DRP2: variants seen among roughly 807,000 people sequenced by gnomAD.
DRP2 encodes dystrophin-related protein 2.
Under a neutral mutation model 78.2 loss-of-function variants are expected in DRP2, and 29 were observed. That is an observed-to-expected ratio of 0.37 (90% CI 0.28 to 0.51). The LOEUF is 0.51. DRP2 is among the 20% of genes least tolerant of loss of function. The pLI is 0.94. For missense variants in DRP2, 686 were observed against 770.6 expected, an observed-to-expected ratio of 0.89 and a Z score of 1.30; for synonymous variants, 290 against 281.9, an observed-to-expected ratio of 1.03 and a Z score of -0.29.
intron 15 of DRP2, 40 bp from the exon 16 acceptor site, chrX:101,250,877 T>C (rs1345836752): frequency 1.7e-6 from 2 of 1,196,944 alleles, no homozygotes; most frequent in South Asian, 3.7e-5. Flanking sequence ...TAAGACACTT[T>C]GGGCCTCAGT....
intron 1 of DRP2, among the ~76,000 whole-genome samples, chrX:101,223,467 G>A (rs1033280271): frequency 4.5e-5 from 5 of 111,712 alleles, no homozygotes; most frequent in Non-Finnish European, 9.4e-5. Context: ...CTAGTTTTGA[G>A]CAATCACAGA....
At chrX:101,255,748 G>T (rs931512619) in intron 20 of DRP2, among the ~76,000 whole-genome samples, 6 of 109,962 alleles carry the variant, frequency 5.5e-5, no homozygotes, top group Non-Finnish European at 1.1e-4. Flanking sequence ...GGAGCTTCTG[G>T]CTACATGGAT....
At chrX:101,245,112 A>C (rs748173294) in intron 10 of DRP2, 35 bp downstream of exon 10, 10 of 1,150,718 alleles carry the variant, frequency 8.7e-6, no homozygotes, top group Non-Finnish European at 1.2e-5. Flanking sequence ...CGGGTCAGTC[A>C]CCTGCCCACC....
At chrX:101,259,813 A>T (rs1923479962) in intron 22 of DRP2, among the ~76,000 whole-genome samples, 1 of 112,586 alleles carries the variant, frequency 8.9e-6, no homozygotes, top group South Asian at 3.7e-4. Flanking sequence ...TGCCATTCTT[A>T]TAAGAACTGG....
intron 18 of DRP2, 148 bp downstream of exon 18, chrX:101,254,709 C>T (rs1923272854): frequency 2.9e-6 from 3 of 1,038,361 alleles, no homozygotes; most frequent in Non-Finnish European, 4.0e-6. Context: ...GCCTGACCTG[C>T]ACTCTGGCCT....
rs1315777833 is a variant in DRP2, at chrX:101,261,802, A to G, written c.*1181A>G. 2 of 111,182 alleles carry G rather than the reference A, an allele frequency of 1.8e-5. No individual in the cohort carries two copies. Among genetic ancestry groups the G allele is most frequent in the Non-Finnish European group, 3.8e-5 (2 of 52,964 alleles). 9.2% of individuals were successfully genotyped at this position (111,182 alleles called of 1,213,427 possible). A position where few individuals can be genotyped will look rare whatever the true frequency, so the allele number is the denominator to read the frequency against. Reference sequence around the variant, plus strand: ...TCTGGAAGGTGAATCCAATCCTCAAACTGAACTAGCTCTTCCTAGGCGACA... The same window carrying G: ...TCTGGAAGGTGAATCCAATCCTCAAGCTGAACTAGCTCTTCCTAGGCGACA... On this transcript the variant is annotated 3_prime_UTR_variant, in exon 24 of 24. Coordinates refer to ENST00000395209, the MANE Select transcript of DRP2 (RefSeq NM_001939.3).
At chrX:101,234,027 A>G (rs1220550836) in intron 3 of DRP2, among the ~76,000 whole-genome samples, 1 of 111,676 alleles carries the variant, frequency 9.0e-6, no homozygotes, top group Non-Finnish European at 1.9e-5. Context: ...TCACATTTAG[A>G]GGGATTCTGC....
Position 101,252,647 on chromosome X carries a change from C to G in DRP2, c.1908C>G (p.Thr636=). Residue 636 remains threonine (T), a synonymous_variant, in exon 17 of 24, where the codon ACC becomes ACG. Transcript: ENST00000395209. ...LKQFNVDICQ[T]CFLTGRASKG... ...AATTCAACGTTGACATCTGCCAGAC[C>G]TGCTTCTTGACAGGCAGGGCCAGCA... is the stretch of plus-strand genomic sequence containing the variant. 8.3e-7 allele frequency: 1 copy of G among 1,212,071 alleles called. No individual in the cohort carries two copies. Among genetic ancestry groups the G allele is most frequent in the Non-Finnish European group, 1.1e-6 (1 of 895,537 alleles).
rs1922894786 is a variant in DRP2, at chrX:101,245,427, G to A, written c.1155G>A (p.Met385Ile). The A allele has an allele frequency of 8.3e-7, 1 of 1,204,185 alleles. No individual in the cohort carries two copies. The highest frequency in any genetic ancestry group is 1.8e-5 in the South Asian group (1 of 55,441). The change falls in exon 11 of 24, where the codon ATG becomes ATA. Residue 385 changes from methionine to isoleucine, a missense_variant. Physicochemically the swap from Met to Ile is conservative, Grantham distance 10 (BLOSUM62 1). Transcript: ENST00000395209. ...AQTTCWDHPKMTELYQTLADL... is the reference protein window; with the variant it reads ...AQTTCWDHPKITELYQTLADL... ...CCACATGCTGGGACCATCCCAAGAT[G>A]ACAGAGTTATACCAAACCCTAGGTA...
At chrX:101,234,869 A>G (rs946175866) in intron 3 of DRP2, among the ~76,000 whole-genome samples, 1 of 110,262 alleles carries the variant, frequency 9.1e-6, no homozygotes, top group South Asian at 4.0e-4. Flanking sequence ...GGAGACTACA[A>G]GAGTCTTGGC....
In DRP2 at chrX:101,231,673, G is replaced by A; in HGVS notation, c.26G>A (p.Cys9Tyr). ...ATGCAACCTATGGTCATGCAGGGAT[G>A]CCCTTACACCCTCCCACGATGTCAT... MQPMVMQG[C>Y]PYTLPRCHDW... Residue 9 changes from cysteine (C) to tyrosine (Y), a missense_variant, in exon 3 of 24, where the codon TGC becomes TAC. Coordinates refer to ENST00000395209, the MANE Select transcript of DRP2 (RefSeq NM_001939.3). 8.3e-7 allele frequency: 1 copy of A among 1,211,272 alleles called. No individual in the cohort carries two copies.
chrX:101,229,536 C>T lies in DRP2; in HGVS notation c.-63-2049C>T, dbSNP rs368822705. ...TCTTTAAATGCATAAATGTTTTTCT[C>T]ACTCGGTAAGTTCTAAAAGTACAGC... On this transcript the variant is annotated intron_variant, in intron 2 of 23. Coordinates refer to ENST00000395209, the MANE Select transcript of DRP2 (RefSeq NM_001939.3). Among the ~76,000 whole-genome samples the T allele has an allele frequency of 2.0e-4, 22 of 111,381 alleles. No individual in the cohort carries two copies. The East Asian group carries it at 5.3e-3, about 27-fold the overall frequency.
chrX:101,254,902 C>T lies in DRP2; in HGVS notation c.2158C>T (p.Arg720Ter), dbSNP rs752738977. Residue 720 changes from arginine (R) to a stop codon, truncating the protein, a stop_gained, in exon 19 of 24, where the codon CGA becomes TGA. Transcript: ENST00000395209. LOFTEE classifies it high-confidence loss of function. Reference sequence around the variant, plus strand: ...GTGGCCACACGCCGACACACACTCCCGAATTGAGCATTTTGCCAGCAGGTA... The same window carrying T: ...GTGGCCACACGCCGACACACACTCCTGAATTGAGCATTTTGCCAGCAGGTA... ...PMWPHADTHS[R>*]IEHFASRLAE... is the part of the protein sequence containing the mutation. 1 of 1,211,856 alleles carries T rather than the reference C, an allele frequency of 8.3e-7. No homozygotes were observed. Among genetic ancestry groups the T allele is most frequent in the East Asian group, 3.0e-5 (1 of 33,831 alleles).
At chrX:101,227,147 G>A (rs897772119) in intron 2 of DRP2, among the ~76,000 whole-genome samples, 4 of 111,644 alleles carry the variant, frequency 3.6e-5, no homozygotes, top group African/African-American at 1.3e-4. Flanking sequence ...CCATTCATGA[G>A]GGCAAAGCCC....
chrX:101,224,419 A>C (rs1391467579), intron 1 of DRP2, among the ~76,000 whole-genome samples, 185 bp from the exon 2 acceptor site: 1 of 107,161 alleles, frequency 9.3e-6, no homozygotes, highest in Non-Finnish European at 1.9e-5. Context: ...AAAAAAGCCC[A>C]AAAAACCCGG....
intron 16 of DRP2, 101 bp downstream of exon 16, chrX:101,251,184 T>TAGGTG: frequency 3.8e-6 from 3 of 787,112 alleles, no homozygotes; most frequent in Non-Finnish European, 5.4e-6. Flanking sequence ...ATTATATAAT[T>TAGGTG]ACAGCTAGTC....
chrX:101,220,800 A>G (rs1322716203), intron 1 of DRP2, among the ~76,000 whole-genome samples: 1 of 111,337 alleles, frequency 9.0e-6, no homozygotes, highest in African/African-American at 3.3e-5. Flanking sequence ...TTTTCCTGTG[A>G]CATTTTTCCC....
rs774308080 is a variant in DRP2, at chrX:101,263,263, A to G, written c.*2642A>G. The G allele has an allele frequency of 1.8e-5, 2 of 112,100 alleles. No homozygotes were observed. The highest frequency in any genetic ancestry group is 7.5e-4 in the South Asian group (2 of 2,664). The allele number at this position is 112,100 out of a possible 1,213,427, so 9.2% of individuals were successfully genotyped here. On this transcript the variant is annotated 3_prime_UTR_variant, in exon 24 of 24. Coordinates refer to ENST00000395209, the MANE Select transcript of DRP2 (RefSeq NM_001939.3). Reference sequence around the variant, plus strand: ...GGTTGGATTTACCAAAATGTGTTGTATGTTGTTAGACATCTTGTTGTGTAT... The same window carrying G: ...GGTTGGATTTACCAAAATGTGTTGTGTGTTGTTAGACATCTTGTTGTGTAT...
chrX:101,260,195 C>A (rs1317483434), intron 23 of DRP2, 26 bp downstream of exon 23: 2 of 1,206,094 alleles, frequency 1.7e-6, no homozygotes, highest in Non-Finnish European at 1.1e-6. Context: ...CTTTCCCAGC[C>A]CCTTTCTCCA....
Sources: allele counts gnomAD v4.1 joint callset (sites outside exome capture counted in the v4.1 genomes callset), GRCh38; gene constraint gnomAD v4.1.1; transcripts MANE v1.5; gene names NCBI Gene and HGNC (gene_info 2026-07-23, HGNC 2026-07-21).